PRKN: variants seen among roughly 807,000 people sequenced by gnomAD.
PRKN encodes E3 ubiquitin-protein ligase parkin.
A neutral mutation model predicts 59.5 loss-of-function variants in PRKN; 56 were observed. The ratio of observed to expected loss-of-function variants is 0.94; its 90% CI spans 0.76 to 1.18. The LOEUF (loss-of-function observed/expected upper bound fraction) is 1.18, where lower values mean the gene tolerates loss of function less well. PRKN is among the 50% of genes most tolerant of loss of function. The pLI is 0.00. For missense variants in PRKN, 657 were observed against 596.4 expected (o/e 1.10, Z -1.06); for synonymous variants, 250 against 222.1 (o/e 1.13, Z -1.12).
chr6:161,565,488 C>T (rs1780607926), intron 8 of PRKN, among the ~76,000 whole-genome samples: 1 of 152,120 alleles, frequency 6.6e-6, no homozygotes, highest in South Asian at 2.1e-4. Context: ...GGATGATTCC[C>T]CCCATGGTGT....
At chr6:161,464,468 A>C in intron 9 of PRKN, among the ~76,000 whole-genome samples, 1 of 152,206 alleles carries the variant, frequency 6.6e-6, no homozygotes, top group East Asian at 1.9e-4. Context: ...GAAATATGTC[A>C]GTTTTAATTG....
intron 5 of PRKN, among the ~76,000 whole-genome samples, chr6:161,978,235 G>A (rs887390871): frequency 1.3e-5 from 2 of 151,986 alleles, no homozygotes; most frequent in African/African-American, 4.8e-5. Flanking sequence ...ATTTTTAGTA[G>A]AGATGGGGTT....
At chr6:162,671,000 C>T (rs1261987142) in intron 1 of PRKN, among the ~76,000 whole-genome samples, 1 of 152,080 alleles carries the variant, frequency 6.6e-6, no homozygotes, top group African/African-American at 2.4e-5. Flanking sequence ...ATTATATACA[C>T]TCTGGAATAT....
chr6:162,324,522 T>C (rs1473602913), intron 2 of PRKN, among the ~76,000 whole-genome samples: 4 of 152,036 alleles, frequency 2.6e-5, no homozygotes, highest in African/African-American at 9.7e-5. Context: ...AGAATACAGG[T>C]AGACAAGGAG....
chr6:162,191,323 G>C (rs1364260440), intron 4 of PRKN, among the ~76,000 whole-genome samples: 1 of 152,182 alleles, frequency 6.6e-6, no homozygotes, highest in East Asian at 1.9e-4. Flanking sequence ...GCAAACACTT[G>C]CTTTTCAACA....
At chr6:161,613,960 C>G (rs1376246225) in intron 7 of PRKN, among the ~76,000 whole-genome samples, 1 of 152,198 alleles carries the variant, frequency 6.6e-6, no homozygotes, top group Non-Finnish European at 1.5e-5. Flanking sequence ...GGAGAAGAAC[C>G]TGCTTTCAAG....
At chr6:162,475,827 C>T (rs1791983612) in intron 1 of PRKN, among the ~76,000 whole-genome samples, 1 of 152,256 alleles carries the variant, frequency 6.6e-6, no homozygotes, top group Non-Finnish European at 1.5e-5. Flanking sequence ...TCTCAGCTCA[C>T]TGCAACCTCC....
At chr6:162,603,785 G>A (rs1781799334) in intron 1 of PRKN, among the ~76,000 whole-genome samples, 2 of 152,098 alleles carry the variant, frequency 1.3e-5, no homozygotes, top group South Asian at 4.1e-4. Flanking sequence ...CCACCCGCAC[G>A]TGCCATCCAC....
intron 7 of PRKN, among the ~76,000 whole-genome samples, chr6:161,683,218 AG>A (rs1348292733): frequency 6.6e-6 from 1 of 152,148 alleles, no homozygotes; most frequent in African/African-American, 2.4e-5. Flanking sequence ...TCAGCAATAA[AG>A]CTTTCACCTG....
At chr6:161,832,350 G>A (rs569945720) in intron 6 of PRKN, among the ~76,000 whole-genome samples, 1 of 152,104 alleles carries the variant, frequency 6.6e-6, no homozygotes, top group Non-Finnish European at 1.5e-5. Flanking sequence ...TCGGCCGGGT[G>A]GGGTGGCTCT....
At chr6:162,573,725 TTTCTC>T (rs374896318) in intron 1 of PRKN, among the ~76,000 whole-genome samples, 2 of 152,316 alleles carry the variant, frequency 1.3e-5, no homozygotes, top group East Asian at 3.9e-4. Flanking sequence ...TTTCCGTACT[TTTCTC>T]TTATTTGTAC....
At chr6:161,686,580 A>G (rs62439162) in intron 7 of PRKN, among the ~76,000 whole-genome samples, 100 of 152,202 alleles carry the variant, frequency 6.6e-4, no homozygotes, top group Non-Finnish European at 1.3e-3. Context: ...TACGGAATAA[A>G]TTTCATACTC....
chr6:162,281,432 A>C (rs1163994489), intron 2 of PRKN, among the ~76,000 whole-genome samples: 1 of 152,132 alleles, frequency 6.6e-6, no homozygotes, highest in Admixed American at 6.6e-5. Flanking sequence ...AAAAATAAGA[A>C]AATAAGAAAT....
chr6:162,144,740 G>A (rs1781946188), intron 4 of PRKN, among the ~76,000 whole-genome samples: 1 of 152,174 alleles, frequency 6.6e-6, no homozygotes, highest in Non-Finnish European at 1.5e-5. Flanking sequence ...CTTGGCATGA[G>A]CAAAAAGCAA....
chr6:161,655,936 T>C (rs1243364630), intron 7 of PRKN, among the ~76,000 whole-genome samples: 5 of 147,772 alleles, frequency 3.4e-5, no homozygotes, highest in African/African-American at 1.2e-4. Context: ...GCATAAATAT[T>C]TCAGTCACAT....
At chr6:161,825,281 AT>A (rs1176193417) in intron 6 of PRKN, among the ~76,000 whole-genome samples, 1 of 152,166 alleles carries the variant, frequency 6.6e-6, no homozygotes, top group Non-Finnish European at 1.5e-5. Flanking sequence ...TATCTACTGA[AT>A]TTTTAAAATT....
At position 162,249,092 on chromosome 6, in the gene PRKN, A is replaced by C. The variant is rs562430222; in HGVS notation, c.412+13433T>G. 6.5e-4 allele frequency among the ~76,000 whole-genome samples: 99 copies of C among 152,160 alleles called. 1 individual carries two copies. Among genetic ancestry groups the C allele is most frequent in the South Asian group, 1.5e-3 (7 of 4,810 alleles). ...ACGAGGTTTCACCATGTTGGCCAGG[A>C]TGGTCTCGATCTCTTGACCTCGTGA... On this transcript the variant is annotated intron_variant, in intron 3 of 11. Coordinates refer to ENST00000366898, the MANE Select transcript of PRKN (RefSeq NM_004562.3).
chr6:162,012,016 T>TTTTAATAA (rs1254460923), intron 5 of PRKN, among the ~76,000 whole-genome samples: 1 of 152,080 alleles, frequency 6.6e-6, no homozygotes, highest in Non-Finnish European at 1.5e-5. Context: ...CTATGTCATA[T>TTTTAATAA]TTTAATAATG....
chr6:161,388,414 A>T lies in PRKN; in HGVS notation c.1084-1537T>A, dbSNP rs1786360900. 6.6e-6 allele frequency among the ~76,000 whole-genome samples: 1 copy of T among 152,198 alleles called. No individual in the cohort carries two copies. The highest frequency in any genetic ancestry group is 2.1e-4 in the South Asian group (1 of 4,834). Reference sequence around the variant, plus strand: ...CCTCACCAGAAAACTGGTTTCTTTCAATGGAACTTTCTTTAATAAGTTGTA... The same window carrying T: ...CCTCACCAGAAAACTGGTTTCTTTCTATGGAACTTTCTTTAATAAGTTGTA... On this transcript the variant is annotated intron_variant, in intron 9 of 11. Coordinates refer to ENST00000366898, the MANE Select transcript of PRKN (RefSeq NM_004562.3). This position sits in a 1 kb window ranked among gnomAD's most constrained non-coding sequence, Gnocchi z 4.3.
Sources: gnomAD v4.1 joint callset for allele counts (sites outside exome capture counted in the v4.1 genomes callset) on GRCh38, gnomAD v4.1.1 for gene constraint, Gnocchi (gnomAD v3.1) non-coding constraint, MANE v1.5 for transcripts, NCBI Gene and HGNC (gene_info 2026-07-23, HGNC 2026-07-21) for gene names.